The following COL10A1 variants were observed in gnomAD, a reference collection of about 807,000 sequenced individuals.
COL10A1 encodes the protein collagen alpha-1(X) chain.
In COL10A1, 10 loss-of-function variants were observed where a neutral mutation model predicts 18.2. The ratio of observed to expected loss-of-function variants is 0.55; its 90% CI spans 0.34 to 0.93. The LOEUF (loss-of-function observed/expected upper bound fraction) is 0.93. Among genes scored for constraint, COL10A1 ranks in the 40% least tolerant of loss-of-function variants. The probability of loss-of-function intolerance (pLI) is 0.02; values close to 1 mark genes in which losing one functional copy is unlikely to be tolerated. For missense variants in COL10A1, 897 were observed against 853.5 expected (o/e 1.05, Z -0.64); for synonymous variants, 330 against 316.6 (o/e 1.04, Z -0.45).
chr6:116,127,058 T>G (rs1345879014), upstream of COL10A1, among the ~76,000 whole-genome samples: 1 of 152,162 alleles, frequency 6.6e-6, no homozygotes, highest in Non-Finnish European at 1.5e-5. Flanking sequence ...TTCATCTTAT[T>G]TAATTTCATC....
intron 1 of COL10A1, among the ~76,000 whole-genome samples, chr6:116,153,955 ATG>A (rs1780116561): frequency 6.6e-6 from 1 of 151,870 alleles, no homozygotes; most frequent in Admixed American, 6.6e-5. Flanking sequence ...GTAAAGCTGT[ATG>A]TATTGCATTT....
intron 2 of COL10A1, among the ~76,000 whole-genome samples, chr6:116,123,354 A>G (rs547808536): frequency 1.2e-4 from 19 of 152,272 alleles, no homozygotes; most frequent in African/African-American, 4.6e-4. Flanking sequence ...TGCTTGGGGG[A>G]CAGCCCCTGT....
intron 1 of COL10A1, among the ~76,000 whole-genome samples, chr6:116,151,689 A>G (rs1049468321): frequency 1.3e-5 from 2 of 152,180 alleles, no homozygotes; most frequent in Non-Finnish European, 2.9e-5. Flanking sequence ...CCATAATTTT[A>G]TATTTCTCTT....
At chr6:116,148,004 G>A (rs1359557417) in intron 1 of COL10A1, among the ~76,000 whole-genome samples, 1 of 151,824 alleles carries the variant, frequency 6.6e-6, no homozygotes, top group Non-Finnish European at 1.5e-5. Flanking sequence ...AAAGGTGGGG[G>A]GGGTTGGAGG....
intron 2 of COL10A1, among the ~76,000 whole-genome samples, 193 bp downstream of exon 2, chr6:116,125,146 A>G (rs1779256088): frequency 6.6e-6 from 1 of 152,214 alleles, no homozygotes; most frequent in African/African-American, 2.4e-5. Flanking sequence ...ATTTTCAAGT[A>G]TATCCTTTCT....
At chr6:116,210,139 T>G in the COL10A1 span, among the ~76,000 whole-genome samples, 1 of 152,048 alleles carries the variant, frequency 6.6e-6, no homozygotes, top group African/African-American at 2.4e-5. Context: ...TGATGGATAC[T>G]TTTTTCCTCT....
chr6:116,172,416 G>C, the COL10A1 span, among the ~76,000 whole-genome samples: 1 of 150,378 alleles, frequency 6.6e-6, no homozygotes, highest in Non-Finnish European at 1.5e-5. Context: ...CTACCTCCCG[G>C]GTTCAGGCAA....
At chr6:116,207,838 G>A in the COL10A1 span, among the ~76,000 whole-genome samples, 1 of 151,856 alleles carries the variant, frequency 6.6e-6, no homozygotes, top group African/African-American at 2.4e-5. Flanking sequence ...TCTTTACTCT[G>A]TGCCTCATTA....
chr6:116,126,356 G>A (rs1342896829), upstream of COL10A1, among the ~76,000 whole-genome samples: 6 of 151,892 alleles, frequency 4.0e-5, no homozygotes, highest in African/African-American at 1.5e-4. Context: ...ACCAAGGACC[G>A]TCTTTGTCTG....
the COL10A1 span, among the ~76,000 whole-genome samples, chr6:116,174,327 AT>A: frequency 1.3e-5 from 2 of 152,138 alleles, no homozygotes; most frequent in African/African-American, 4.8e-5. Flanking sequence ...AAATATACTT[AT>A]TTGGAAATCT....
At chr6:116,177,181 G>A in the COL10A1 span, among the ~76,000 whole-genome samples, 13 of 152,042 alleles carry the variant, frequency 8.6e-5, no homozygotes, top group Non-Finnish European at 1.6e-4. Context: ...TGAGCTTTTC[G>A]TTTCCAACAA....
chr6:116,148,542 G>A (rs1321107014), intron 1 of COL10A1, among the ~76,000 whole-genome samples: 1 of 152,066 alleles, frequency 6.6e-6, no homozygotes, highest in African/African-American at 2.4e-5. Flanking sequence ...GATTTTCATT[G>A]TACTCAGAAT....
At chr6:116,145,887 G>A (rs151228695) in intron 1 of COL10A1, among the ~76,000 whole-genome samples, 44 of 152,236 alleles carry the variant, frequency 2.9e-4, no homozygotes, top group Admixed American at 1.2e-3. Context: ...TTATGTGATG[G>A]TATTTGAGAG....
At chr6:116,158,058 A>G (rs1200508917) in intron 1 of COL10A1, among the ~76,000 whole-genome samples, 1 of 152,240 alleles carries the variant, frequency 6.6e-6, no homozygotes, top group Non-Finnish European at 1.5e-5. Context: ...ACATATTGGC[A>G]GCTTCAGCTC....
intron 1 of COL10A1, among the ~76,000 whole-genome samples, chr6:116,151,184 A>C (rs1337091925): frequency 1.3e-5 from 2 of 152,168 alleles, no homozygotes; most frequent in Non-Finnish European, 2.9e-5. Context: ...ATTCCTGCCA[A>C]CTTCAGTGCC....
At chr6:116,159,281 CA>C (rs1316145481), upstream of COL10A1, among the ~76,000 whole-genome samples, 1 of 152,034 alleles carries the variant, frequency 6.6e-6, no homozygotes, top group African/African-American at 2.4e-5. Flanking sequence ...TTATTCTTAT[CA>C]AAAACCAGAG....
intron 1 of COL10A1, chr6:116,145,516 T>C: frequency 3.1e-6 from 1 of 326,548 alleles, no homozygotes; most frequent in South Asian, 2.6e-5. Flanking sequence ...GTGGGTCCTG[T>C]ATTATTTCAT....
the COL10A1 span, among the ~76,000 whole-genome samples, chr6:116,209,081 T>C: frequency 6.6e-6 from 1 of 152,080 alleles, no homozygotes; most frequent in Non-Finnish European, 1.5e-5. Context: ...ATTATTCTTT[T>C]GGTACTTTCT....
At chr6:116,182,222 A>AGTGTGTGTGTGTGTGTGTGTGTGTGT in the COL10A1 span, among the ~76,000 whole-genome samples, 1 of 124,606 alleles carries the variant, frequency 8.0e-6, no homozygotes, top group African/African-American at 2.9e-5. Context: ...TTCCATGGAG[A>AGTGTGTGTGTGTGTGTGTGTGTGTGT]GTGTGTGTGT....
Sources: gnomAD v4.1 joint callset for allele counts (sites outside exome capture counted in the v4.1 genomes callset) on GRCh38, gnomAD v4.1.1 for gene constraint, MANE v1.5 for transcripts, NCBI Gene and HGNC (gene_info 2026-07-23, HGNC 2026-07-21) for gene names.